EML5: variants seen among roughly 807,000 people sequenced by gnomAD.
EML5 encodes the protein EMAP like 5, also known as echinoderm microtubule-associated protein-like 5.
In EML5, 120 loss-of-function variants were observed where a neutral mutation model predicts 250.0. That is an observed-to-expected ratio of 0.48 (90% CI 0.41 to 0.56). The LOEUF is 0.56. Among genes scored for constraint, EML5 ranks in the 20% least tolerant of loss-of-function variants. The probability of loss-of-function intolerance (pLI) is 0.00; values close to 1 mark genes in which losing one functional copy is unlikely to be tolerated. For missense variants in EML5, 2,006 were observed against 2,437.6 expected (o/e 0.82, Z 3.73); for synonymous variants, 771 against 806.5 (o/e 0.96, Z 0.75).
rs1433638496 is a variant in EML5 at position 88,618,715 on chromosome 14, A to AG, written c.5472dup (p.Tyr1825LeufsTer18). ...ACAAAGCTTGGAATGTCTTTGCAGT[A>AG]GCTGATTCTGTTAAGAGTGGGGCCC... On this transcript the variant is annotated frameshift_variant, in exon 40 of 44. Transcript: ENST00000554922. LOFTEE classifies it high-confidence loss of function. 6.2e-7 allele frequency: 1 copy of AG among 1,611,290 alleles called. No individual in the cohort carries two copies. The highest frequency in any genetic ancestry group is 1.7e-5 in the Admixed American group (1 of 59,716).
intron 21 of EML5, among the ~76,000 whole-genome samples, chr14:88,672,602 A>G (rs893283419): frequency 2.0e-5 from 3 of 152,160 alleles, no homozygotes; most frequent in African/African-American, 7.2e-5. Flanking sequence ...AATATTAATG[A>G]ATCCAGGGGC....
intron 14 of EML5, among the ~76,000 whole-genome samples, chr14:88,698,265 C>CTTTTT (rs60164768): frequency 4.2e-5 from 5 of 119,946 alleles, no homozygotes; most frequent in African/African-American, 1.3e-4. Context: ...CTCCAGTTTC[C>CTTTTT]TTTTTTTTTT....
rs2140309179 is a variant in EML5 at position 88,621,134 on chromosome 14, T to C, written c.5181A>G (p.Arg1727=). The change falls in exon 38 of 44, where the codon AGA becomes AGG. Residue 1727 remains arginine, a synonymous_variant. Transcript: ENST00000554922. ...FLSAAEDGTV[R]LWDIADKKML... ...TTACTTTATCAGCAATATCCCAAAG[T>C]CTCACTGTCCCATCTTCTGCAGCAG... is the stretch of plus-strand genomic sequence containing the variant. 1 of 1,613,816 alleles carries C rather than the reference T, an allele frequency of 6.2e-7. No homozygotes were observed. Among genetic ancestry groups the C allele is most frequent in the South Asian group, 1.1e-5 (1 of 91,060 alleles).
At chr14:88,710,961 T>A (rs1335224895) in intron 10 of EML5, among the ~76,000 whole-genome samples, 1 of 152,186 alleles carries the variant, frequency 6.6e-6, no homozygotes, top group African/African-American at 2.4e-5. Context: ...TAAATCCTAT[T>A]CACTTGACTA....
Position 88,649,978 on chromosome 14 carries a change from A to G in EML5, c.4005-52T>C, listed in dbSNP as rs140474681. The G allele has an allele frequency of 2.3e-3, 3,024 of 1,334,034 alleles. 61 individuals are homozygous for G. In the African/African-American group the frequency reaches 0.041, roughly 18 times the overall value. 82.6% of individuals were successfully genotyped at this position (1,334,034 alleles called of 1,614,324 possible). On this transcript the variant is annotated intron_variant, in intron 27 of 43. Transcript: ENST00000554922. ...GTAGGAAAACATATAAAAATTGATG[A>G]TGAATAGAATACAGCATTTTAGCAA...
chr14:88,695,300 T>C (rs1016104489), intron 16 of EML5, 61 bp downstream of exon 16: 1 of 1,371,434 alleles, frequency 7.3e-7, no homozygotes, highest in East Asian at 2.5e-5. Flanking sequence ...TAATTAAAAA[T>C]TTTTTTAAGT....
chr14:88,782,434 A>G (rs2094506780), intron 1 of EML5, among the ~76,000 whole-genome samples: 1 of 152,252 alleles, frequency 6.6e-6, no homozygotes, highest in African/African-American at 2.4e-5. Context: ...AGAAATCTAC[A>G]TAAGAACGAG....
intron 33 of EML5, chr14:88,628,107 A>G: frequency 2.3e-6 from 1 of 433,272 alleles, no homozygotes; most frequent in Non-Finnish European, 4.3e-6. Flanking sequence ...TCTCAACTTT[A>G]AACAATTCAA....
chr14:88,646,227 A>G (rs2091340325), intron 29 of EML5, among the ~76,000 whole-genome samples: 1 of 152,222 alleles, frequency 6.6e-6, no homozygotes, highest in Admixed American at 6.5e-5. Context: ...TTAAACATCA[A>G]TAAAAGTAAA....
chr14:88,627,173 C>A, intron 34 of EML5, 127 bp from the exon 35 acceptor site: 1 of 825,982 alleles, frequency 1.2e-6, no homozygotes, highest in South Asian at 1.6e-5. Flanking sequence ...GGCCCCTGCT[C>A]TACTACCTAG....
At chr14:88,625,271 C>T (rs1019352075) in intron 35 of EML5, 144 bp from the exon 36 acceptor site, 13 of 936,396 alleles carry the variant, frequency 1.4e-5, no homozygotes, top group South Asian at 2.0e-5. Flanking sequence ...ACTGAATTCA[C>T]GAGTCAGGAA....
At chr14:88,666,009 C>T (rs1265113918) in intron 21 of EML5, among the ~76,000 whole-genome samples, 1 of 151,868 alleles carries the variant, frequency 6.6e-6, no homozygotes, top group East Asian at 1.9e-4. Flanking sequence ...CTATAGAAGT[C>T]AATGGTATGG....
intron 29 of EML5, among the ~76,000 whole-genome samples, chr14:88,646,446 A>T (rs1001991991): frequency 3.3e-5 from 5 of 152,174 alleles, no homozygotes; most frequent in Non-Finnish European, 2.9e-5. Context: ...TTTAACATTT[A>T]AAAATATTTC....
intron 12 of EML5, among the ~76,000 whole-genome samples, chr14:88,705,239 G>A (rs2093295523): frequency 2.0e-5 from 3 of 152,042 alleles, no homozygotes; most frequent in Admixed American, 2.0e-4. Flanking sequence ...AGGAATAAAT[G>A]TGAGTATACT....
chr14:88,657,808 C>G (rs1250547351), intron 26 of EML5, among the ~76,000 whole-genome samples: 2 of 151,982 alleles, frequency 1.3e-5, no homozygotes, highest in African/African-American at 4.8e-5. Flanking sequence ...GAGGTGTTAC[C>G]TCTGTGTGGT....
chr14:88,785,445 T>C (rs2094541907), intron 1 of EML5, among the ~76,000 whole-genome samples: 1 of 152,220 alleles, frequency 6.6e-6, no homozygotes, highest in South Asian at 2.1e-4. Flanking sequence ...ATGTACCCCA[T>C]AAATAGATAA....
chr14:88,625,351 AC>A (rs1176145511), intron 35 of EML5: 2 of 482,064 alleles, frequency 4.1e-6, no homozygotes, highest in Non-Finnish European at 7.3e-6. Context: ...AGCTAGAATA[AC>A]CTTAGACAAT....
chr14:88,687,037 T>C (rs938896758), intron 19 of EML5, among the ~76,000 whole-genome samples, 179 bp downstream of exon 19: 4 of 152,132 alleles, frequency 2.6e-5, no homozygotes, highest in Non-Finnish European at 5.9e-5. Context: ...TCATAGAAAA[T>C]AGACTTTTGA....
chr14:88,737,322 A>C (rs2140212240), intron 6 of EML5, among the ~76,000 whole-genome samples: 1 of 152,334 alleles, frequency 6.6e-6, no homozygotes, highest in South Asian at 2.1e-4. Flanking sequence ...TTTAGGTGCC[A>C]CCACATTCCC....
Sources: allele counts gnomAD v4.1 joint callset (sites outside exome capture counted in the v4.1 genomes callset), GRCh38; gene constraint gnomAD v4.1.1; transcripts MANE v1.5; gene names NCBI Gene and HGNC (gene_info 2026-07-23, HGNC 2026-07-21).